The following AZGP1 variants were observed in gnomAD, a reference collection of about 807,000 sequenced individuals.
The protein encoded by AZGP1 is alpha-2-glycoprotein 1, zinc-binding, also known as zinc-alpha-2-glycoprotein.
AZGP1 carries 28 observed loss-of-function variants against 31.5 expected under a neutral mutation model. That is an observed-to-expected ratio of 0.89 (90% CI 0.66 to 1.22). The LOEUF is 1.22. Among genes scored for constraint, AZGP1 ranks in the 50% most tolerant of loss-of-function variants. AZGP1 has a pLI of 0.00. For missense variants in AZGP1, 361 were observed against 371.8 expected, an observed-to-expected ratio of 0.97 and a Z score of 0.24; for synonymous variants, 135 against 145.4, an observed-to-expected ratio of 0.93 and a Z score of 0.51.
chr7:99,970,885 C>T (rs1009364687), intron 2 of AZGP1, among the ~76,000 whole-genome samples: 1 of 152,222 alleles, frequency 6.6e-6, no homozygotes, highest in Non-Finnish European at 1.5e-5. Flanking sequence ...CTGAGGTTGG[C>T]TGCCTTGGGG....
intron 2 of AZGP1, among the ~76,000 whole-genome samples, chr7:99,970,835 A>G (rs1281718853): frequency 6.6e-6 from 1 of 152,088 alleles, no homozygotes; most frequent in Non-Finnish European, 1.5e-5. Flanking sequence ...ATCTTTTGAC[A>G]CCCACTCTAT....
chr7:99,968,460 C>G (rs1789528182), intron 2 of AZGP1, 30 bp from the exon 3 acceptor site: 3 of 1,600,580 alleles, frequency 1.9e-6, no homozygotes, highest in Admixed American at 1.8e-5. Flanking sequence ...CACAGAGAGA[C>G]AGTCAGCCTG....
intron 1 of AZGP1, among the ~76,000 whole-genome samples, chr7:99,974,746 C>T (rs1303108045): frequency 6.6e-6 from 1 of 151,982 alleles, no homozygotes; most frequent in Admixed American, 6.6e-5. Flanking sequence ...TGAATCAAAA[C>T]CTCTCATGTA....
In AZGP1 at chr7:99,966,948, G is replaced by A. The variant is rs1433334595; in HGVS notation, c.*55C>T. ...TTCTGTGGTTCAGCTCCCACATCAG[G>A]CAGGAAGGGCAGCTACTGGGTCTGA... On this transcript the variant is annotated 3_prime_UTR_variant, in exon 4 of 4. Transcript: ENST00000292401. The A allele has an allele frequency of 1.3e-6, 2 of 1,578,306 alleles. No homozygotes were observed. Among genetic ancestry groups the A allele is most frequent in the East Asian group, 2.2e-5 (1 of 44,566 alleles).
chr7:99,970,717 C>A (rs1789563345), intron 2 of AZGP1, among the ~76,000 whole-genome samples: 1 of 152,154 alleles, frequency 6.6e-6, no homozygotes, highest in South Asian at 2.1e-4. Context: ...CTTACCAAGA[C>A]CTCCCCCACC....
At chr7:99,974,547 A>G (rs1789629010) in intron 1 of AZGP1, among the ~76,000 whole-genome samples, 1 of 152,126 alleles carries the variant, frequency 6.6e-6, no homozygotes, top group African/African-American at 2.4e-5. Context: ...AGATCATGCC[A>G]CTGCACTCCT....
At chr7:99,970,445 G>T (rs566702002) in intron 2 of AZGP1, among the ~76,000 whole-genome samples, 1 of 152,104 alleles carries the variant, frequency 6.6e-6, no homozygotes, top group African/African-American at 2.4e-5. Flanking sequence ...GTTTCACCAT[G>T]TTGGCCGGGC....
intron 2 of AZGP1, among the ~76,000 whole-genome samples, chr7:99,971,043 A>G (rs1013216706): frequency 4.6e-5 from 7 of 152,176 alleles, no homozygotes; most frequent in African/African-American, 9.7e-5. Context: ...TAGGGCTCCA[A>G]GGAACTCTAA....
At position 99,968,236 on chromosome 7, in the gene AZGP1, C is replaced by A. The variant is rs757681623; in HGVS notation, c.532G>T (p.Ala178Ser). The change falls in exon 3 of 4, where the codon GCC becomes TCC. Residue 178 changes from alanine to serine, a missense_variant. Ala to Ser is a moderately conservative substitution (Grantham distance 99, BLOSUM62 1). Coordinates refer to ENST00000292401, the MANE Select transcript of AZGP1 (RefSeq NM_001185.4). ...WEAEPVYVQR[A>S]KAYLEEECPA... is the part of the protein sequence containing the mutation. ...CACTCCTCCTCCAGGTAAGCCTTGG[C>A]CCGCTGCACGTAGACTGGTTCTGCC... 2.5e-6 allele frequency: 4 copies of A among 1,613,690 alleles called. No individual in the cohort carries two copies. The highest frequency in any genetic ancestry group is 3.4e-6 in the Non-Finnish European group (4 of 1,179,992).
chr7:99,972,438 C>A (rs773762057), intron 1 of AZGP1, among the ~76,000 whole-genome samples: 2 of 152,188 alleles, frequency 1.3e-5, no homozygotes, highest in Non-Finnish European at 2.9e-5. Flanking sequence ...TCTCAATATG[C>A]AATTGGCCTG....
In AZGP1 at chr7:99,968,305, C is replaced by A. The variant is rs201532690; in HGVS notation, c.463G>T (p.Val155Phe). 12 of 1,613,556 alleles carry A rather than the reference C, an allele frequency of 7.4e-6. No homozygotes were observed. Among genetic ancestry groups the A allele is most frequent in the Non-Finnish European group, 6.8e-6 (8 of 1,179,966 alleles). ...ATCTGGGCTGCTGGGTCGAAGGGGA[C>A]CCAGGCTGGGATTTCTTTGTTGAAT... ...IEFNKEIPAW[V>F]PFDPAAQITK... The change falls in exon 3 of 4, where the codon GTC (valine) becomes TTC (phenylalanine). Residue 155 changes from valine (V) to phenylalanine (F), a missense_variant. By Grantham distance (50) the Val-to-Phe change is conservative. Coordinates refer to ENST00000292401, the MANE Select transcript of AZGP1 (RefSeq NM_001185.4).
In AZGP1 at chr7:99,966,968, G is replaced by A; in HGVS notation, c.*35C>T. ...ATCAGGCAGGAAGGGCAGCTACTGG[G>A]TCTGAGATCCCACATTGCCTCCAAC... On this transcript the variant is annotated 3_prime_UTR_variant, in exon 4 of 4. Transcript: ENST00000292401. The A allele has an allele frequency of 6.2e-7, 1 of 1,601,958 alleles. No homozygotes were observed. Among genetic ancestry groups the A allele is most frequent in the East Asian group, 2.2e-5 (1 of 44,726 alleles).
At chr7:99,972,556 T>C (rs141670258) in intron 1 of AZGP1, among the ~76,000 whole-genome samples, 1 of 152,366 alleles carries the variant, frequency 6.6e-6, no homozygotes, top group African/African-American at 2.4e-5. Context: ...CTCATGCCTG[T>C]AATCCCAGGA....
chr7:99,975,721 G>T (rs1008064019), intron 1 of AZGP1, among the ~76,000 whole-genome samples: 2 of 152,162 alleles, frequency 1.3e-5, no homozygotes, highest in African/African-American at 2.4e-5. Context: ...TGTAAACTAG[G>T]GGTTTTAGAT....
Position 99,971,939 on chromosome 7 carries a change from C to A in AZGP1, c.144G>T (p.Gln48His). The part of the protein sequence containing the change: ...SKHVEDVPAF[Q>H]ALGSLNDLQF... The stretch of plus-strand genomic sequence containing the variant: ...GGAGGTCATTGAGTGAGCCAAGGGC[C>A]TGAAACGCGGGGACGTCTTCAACAT... The change falls in exon 2 of 4, where the codon CAG becomes CAT. Residue 48 changes from glutamine to histidine, a missense_variant. Physicochemically the swap from Gln to His is conservative, Grantham distance 24. Coordinates refer to ENST00000292401, the MANE Select transcript of AZGP1 (RefSeq NM_001185.4). 1 of 1,614,150 alleles carries A rather than the reference C, an allele frequency of 6.2e-7. No homozygotes were observed. Among genetic ancestry groups the A allele is most frequent in the Non-Finnish European group, 8.5e-7 (1 of 1,180,022 alleles).
intron 1 of AZGP1, among the ~76,000 whole-genome samples, chr7:99,973,116 CA>C (rs11432870): frequency 1.4e-4 from 21 of 146,156 alleles, no homozygotes; most frequent in African/African-American, 2.6e-4. Context: ...GGCTCCATCT[CA>C]AAAAAAAAAA....
At chr7:99,975,904 C>G (rs755802026) in intron 1 of AZGP1, 41 bp downstream of exon 1, 2 of 1,606,824 alleles carry the variant, frequency 1.2e-6, no homozygotes, top group East Asian at 4.5e-5. Context: ...TCACCTCCTT[C>G]CAGTCCTCTC....
In AZGP1 at chr7:99,968,611, GC is replaced by G. The variant is rs1789530322; in HGVS notation, c.338-182del. 16 of 750,526 alleles carry G rather than the reference GC, an allele frequency of 2.1e-5. No homozygotes were observed. In the South Asian group the frequency reaches 2.8e-4, roughly 13 times the overall value. The allele number at this position is 750,526 out of a possible 1,614,324, so 46.5% of individuals were successfully genotyped here. On this transcript the variant is annotated intron_variant, in intron 2 of 3. Coordinates refer to ENST00000292401, the MANE Select transcript of AZGP1 (RefSeq NM_001185.4). ...CAATATATACAACAGACAGAGAGGG[GC>G]TAACTCAGTTTGGTTTGGCATTTCA... is the stretch of plus-strand genomic sequence containing the variant.
intron 1 of AZGP1, among the ~76,000 whole-genome samples, chr7:99,972,584 A>T (rs1789596063): frequency 6.6e-6 from 1 of 152,078 alleles, no homozygotes. Flanking sequence ...AGGCCAAGGC[A>T]GGCAGATTAC....
Sources: gnomAD v4.1 joint callset for allele counts (sites outside exome capture counted in the v4.1 genomes callset) on GRCh38, gnomAD v4.1.1 for gene constraint, MANE v1.5 for transcripts, NCBI Gene and HGNC (gene_info 2026-07-23, HGNC 2026-07-21) for gene names.